Variants in BACH2 observed in about 807,000 individuals in gnomAD.
The protein encoded by BACH2 is transcription regulator protein BACH2.
Under a neutral mutation model 61.8 loss-of-function variants are expected in BACH2, and 5 were observed. That is an observed-to-expected ratio of 0.08 (90% CI 0.04 to 0.17). The LOEUF is 0.17. Among genes scored for constraint, BACH2 ranks in the 10% least tolerant of loss-of-function variants. The pLI, the probability that BACH2 is intolerant of heterozygous loss-of-function variation, is 1.00. For synonymous variants in BACH2, 446 were observed against 440.1 expected (o/e 1.01, Z -0.17); for missense variants, 824 against 1,091.1 (o/e 0.76, Z 3.45).
chr6:90,241,134 CAAAAA>C (rs1180464043), intron 3 of BACH2, among the ~76,000 whole-genome samples: 1 of 56,304 alleles, frequency 1.8e-5, no homozygotes. Flanking sequence ...GACTCCAACT[CAAAAA>C]AAAAAAAAAA....
intron 4 of BACH2, among the ~76,000 whole-genome samples, chr6:90,205,680 C>T (rs1769121383): frequency 1.3e-5 from 2 of 152,186 alleles, no homozygotes; most frequent in African/African-American, 4.8e-5. Flanking sequence ...AAACACATTC[C>T]TTTACCTGGA....
intron 4 of BACH2, among the ~76,000 whole-genome samples, chr6:90,093,270 G>A (rs188487030): frequency 3.3e-5 from 5 of 152,186 alleles, no homozygotes; most frequent in Admixed American, 6.5e-5. Flanking sequence ...ACCACTGAGG[G>A]CCAACCACCT....
chr6:90,158,408 T>C (rs902648705), intron 4 of BACH2, among the ~76,000 whole-genome samples: 2 of 151,930 alleles, frequency 1.3e-5, no homozygotes, highest in Non-Finnish European at 2.9e-5. Context: ...TTACACTATC[T>C]CATCGAGAAG....
chr6:90,218,558 C>A (rs1480660790), intron 3 of BACH2, among the ~76,000 whole-genome samples: 2 of 148,016 alleles, frequency 1.4e-5, no homozygotes, highest in Non-Finnish European at 3.0e-5. Context: ...TGTAAATGAT[C>A]TCACATGACT....
At chr6:90,112,131 C>A (rs898166918) in intron 4 of BACH2, among the ~76,000 whole-genome samples, 1 of 152,182 alleles carries the variant, frequency 6.6e-6, no homozygotes, top group Non-Finnish European at 1.5e-5. Context: ...AGATAAGAGT[C>A]CAAGATCTCT....
chr6:90,060,581 T>C (rs1250624058), intron 5 of BACH2, among the ~76,000 whole-genome samples: 3 of 152,188 alleles, frequency 2.0e-5, no homozygotes, highest in African/African-American at 4.8e-5. Flanking sequence ...TAAGGTAGTC[T>C]AGTTTCTTCT....
chr6:90,064,886 C>T (rs1030110977), intron 5 of BACH2, among the ~76,000 whole-genome samples: 6 of 152,108 alleles, frequency 3.9e-5, no homozygotes. Context: ...TACTCCCTTC[C>T]TCCAAAAATT....
chr6:89,931,431 T>A lies in BACH2; in HGVS notation c.*977A>T, dbSNP rs1265550867. 1 of 152,752 alleles carries A rather than the reference T, an allele frequency of 6.5e-6. No individual in the cohort carries two copies. Among genetic ancestry groups the A allele is most frequent in the East Asian group, 1.9e-4 (1 of 5,298 alleles). 9.5% of individuals were successfully genotyped at this position (152,752 alleles called of 1,614,324 possible). A position where few individuals can be genotyped will look rare whatever the true frequency, so the allele number is the denominator to read the frequency against. On this transcript the variant is annotated 3_prime_UTR_variant, in exon 9 of 9. Transcript: ENST00000257749. Reference sequence around the variant, plus strand: ...TCCTACATAATTATCACCTGAGTGCTTTTTAATTAGCTAAAATGTTTTACT... The same window carrying A: ...TCCTACATAATTATCACCTGAGTGCATTTTAATTAGCTAAAATGTTTTACT...
rs940339604 is a variant in BACH2 at position 90,277,027 on chromosome 6, A to G, written c.-445-5086T>C. Among the ~76,000 whole-genome samples the G allele has an allele frequency of 4.6e-5, 7 of 152,094 alleles. No individual in the cohort carries two copies. The South Asian group carries it at 6.2e-4, about 14-fold the overall frequency. On this transcript the variant is annotated intron_variant, in intron 1 of 8. Coordinates refer to ENST00000257749, the MANE Select transcript of BACH2 (RefSeq NM_021813.4). ...AATGGCTGCCTTAGTATTTATTTTG[A>G]TATACTATTCAAGACACCAACAGTT... is the stretch of plus-strand genomic sequence containing the variant.
At chr6:90,073,638 A>T (rs1781341962) in intron 5 of BACH2, among the ~76,000 whole-genome samples, 1 of 152,200 alleles carries the variant, frequency 6.6e-6, no homozygotes, top group South Asian at 2.1e-4. Context: ...GAACAATTTT[A>T]AGGTGCTGCC....
At chr6:90,101,262 TTTTTC>T (rs535011377) in intron 4 of BACH2, among the ~76,000 whole-genome samples, 14 of 152,206 alleles carry the variant, frequency 9.2e-5, no homozygotes, top group Admixed American at 2.0e-4. Flanking sequence ...ATTTATCTAA[TTTTTC>T]TTTTGTCTTT....
chr6:90,243,004 C>A (rs1283141443), intron 3 of BACH2, among the ~76,000 whole-genome samples: 2 of 151,156 alleles, frequency 1.3e-5, no homozygotes, highest in African/African-American at 4.9e-5. Context: ...CTCAGCCTCC[C>A]GAGTCGCTTG....
At chr6:90,290,688 A>G (rs1309846265) in intron 1 of BACH2, among the ~76,000 whole-genome samples, 1 of 152,210 alleles carries the variant, frequency 6.6e-6, no homozygotes. Flanking sequence ...GGATCTCCCA[A>G]CTTTAAAATC....
chr6:90,097,620 G>A (rs2127810329), intron 4 of BACH2, among the ~76,000 whole-genome samples: 1 of 152,210 alleles, frequency 6.6e-6, no homozygotes, highest in Middle Eastern at 3.4e-3. Context: ...AGGGTAAGTG[G>A]GTTTTCCTTC....
chr6:90,130,557 T>C (rs1784044358), intron 4 of BACH2, among the ~76,000 whole-genome samples: 1 of 152,246 alleles, frequency 6.6e-6, no homozygotes, highest in Non-Finnish European at 1.5e-5. Flanking sequence ...TTAGATAACT[T>C]GCTTATGGTT....
intron 5 of BACH2, among the ~76,000 whole-genome samples, chr6:90,031,367 G>C (rs1172227085): frequency 2.6e-5 from 4 of 152,100 alleles, no homozygotes; most frequent in Admixed American, 1.3e-4. Context: ...AACCAGGCAG[G>C]AGAAGGAAAT....
chr6:89,947,656 C>T (rs1584514377), intron 7 of BACH2, among the ~76,000 whole-genome samples: 1 of 152,016 alleles, frequency 6.6e-6, no homozygotes, highest in Admixed American at 6.5e-5. Flanking sequence ...AGCTCCGCCT[C>T]CCGGGCTCAC....
chr6:90,239,414 G>A (rs746820125), intron 3 of BACH2, among the ~76,000 whole-genome samples: 1 of 152,162 alleles, frequency 6.6e-6, no homozygotes, highest in Non-Finnish European at 1.5e-5. Context: ...AGGTCAACTA[G>A]AAAACAAGCG....
At chr6:90,274,803 C>T (rs1456242868) in intron 1 of BACH2, among the ~76,000 whole-genome samples, 1 of 152,204 alleles carries the variant, frequency 6.6e-6, no homozygotes, top group East Asian at 1.9e-4. Flanking sequence ...TCTAAAGACA[C>T]CCACACAACC....
Sources: gnomAD v4.1 joint callset for allele counts (sites outside exome capture counted in the v4.1 genomes callset) on GRCh38, gnomAD v4.1.1 for gene constraint, MANE v1.5 for transcripts, NCBI Gene and HGNC (gene_info 2026-07-23, HGNC 2026-07-21) for gene names.